PTPN4: variants seen among roughly 807,000 people sequenced by gnomAD.
PTPN4 encodes tyrosine-protein phosphatase non-receptor type 4.
Under a neutral mutation model 135.5 loss-of-function variants are expected in PTPN4, and 49 were observed. The ratio of observed to expected loss-of-function variants is 0.36; its 90% confidence interval spans 0.29 to 0.46. PTPN4 has a LOEUF of 0.46. PTPN4 is among the 20% of genes least tolerant of loss of function. The pLI is 1.00. For synonymous variants in PTPN4, 333 were observed against 369.9 expected (o/e 0.90, Z 1.14); for missense variants, 860 against 1,101.0 (o/e 0.78, Z 3.10).
chr2:119,838,421 TC>T (rs1427562035), intron 2 of PTPN4, among the ~76,000 whole-genome samples: 1 of 152,202 alleles, frequency 6.6e-6, no homozygotes, highest in Non-Finnish European at 1.5e-5. Context: ...ATTTACTGTT[TC>T]CATTTTGGCT....
chr2:119,812,045 A>G (rs1260810105), intron 2 of PTPN4, among the ~76,000 whole-genome samples: 1 of 152,186 alleles, frequency 6.6e-6, no homozygotes, highest in Non-Finnish European at 1.5e-5. Flanking sequence ...AAGAGGAACA[A>G]TATTTATGAA....
chr2:119,771,278 A>T (rs917674590), intron 1 of PTPN4, among the ~76,000 whole-genome samples: 2 of 152,216 alleles, frequency 1.3e-5, no homozygotes, highest in African/African-American at 4.8e-5. Context: ...CATCCAGTGC[A>T]GCAGAAGAGC....
rs192392622 is a variant in PTPN4, at chr2:119,976,808, C to T, written c.2695-176C>T. 3.0e-4 allele frequency: 353 copies of T among 1,171,986 alleles called. 2 individuals carry two copies. The East Asian group carries it at 0.012, about 39-fold the overall frequency. 72.6% of individuals were successfully genotyped at this position (1,171,986 alleles called of 1,614,324 possible). ...TGAGTTTTGCCAACAAAATATATTGCCAAACTGTATTTTTTAACCAGTCTA... is the reference window on the plus strand; with the variant it reads ...TGAGTTTTGCCAACAAAATATATTGTCAAACTGTATTTTTTAACCAGTCTA... On this transcript the variant is annotated intron_variant, in intron 26 of 26. Transcript: ENST00000263708.
intron 1 of PTPN4, among the ~76,000 whole-genome samples, chr2:119,784,045 A>G (rs1426413817): frequency 6.6e-6 from 1 of 152,082 alleles, no homozygotes; most frequent in Non-Finnish European, 1.5e-5. Flanking sequence ...GTTTCTCTAT[A>G]TGGCTTGGGC....
intron 2 of PTPN4, among the ~76,000 whole-genome samples, chr2:119,840,968 G>A (rs1677371991): frequency 6.6e-6 from 1 of 152,082 alleles, no homozygotes; most frequent in Non-Finnish European, 1.5e-5. Context: ...GTAGCTGCTG[G>A]ATATTAGACC....
At chr2:119,910,707 G>A (rs531522933) in intron 10 of PTPN4, among the ~76,000 whole-genome samples, 2 of 152,162 alleles carry the variant, frequency 1.3e-5, no homozygotes, top group South Asian at 4.2e-4. Context: ...TAATCATCTG[G>A]CATTTCCCCT....
chr2:119,770,416 A>G (rs1471229067), intron 1 of PTPN4, among the ~76,000 whole-genome samples: 1 of 152,208 alleles, frequency 6.6e-6, no homozygotes, highest in Admixed American at 6.5e-5. Context: ...TCAAGTTTCA[A>G]AATAATATAA....
At chr2:119,965,401 TC>T (rs921308312) in intron 24 of PTPN4, 95 bp from the exon 25 acceptor site, 5 of 1,192,392 alleles carry the variant, frequency 4.2e-6, no homozygotes, top group Non-Finnish European at 5.8e-6. Flanking sequence ...GTTTTCTATC[TC>T]CCCCTCCCTT....
At chr2:119,787,079 GTGTGTGTGGGTGCACACGTGTGCA>G (rs1482924185) in intron 1 of PTPN4, among the ~76,000 whole-genome samples, 3 of 152,054 alleles carry the variant, frequency 2.0e-5, no homozygotes, top group African/African-American at 7.2e-5. Context: ...GGGTGTGTAG[GTGTGTGTGGGTGCACACGTGTGCA>G]TGTGTGTGCA....
intron 12 of PTPN4, among the ~76,000 whole-genome samples, chr2:119,926,140 A>AT (rs1399996078): frequency 1.3e-5 from 2 of 152,212 alleles, no homozygotes; most frequent in African/African-American, 4.8e-5. Flanking sequence ...ATTTATGTTA[A>AT]TTCACAGTTA....
chr2:119,894,992 G>A (rs1678298392), intron 9 of PTPN4, among the ~76,000 whole-genome samples: 1 of 152,034 alleles, frequency 6.6e-6, no homozygotes, highest in Non-Finnish European at 1.5e-5. Context: ...TATAATCTTT[G>A]CTCACTTCCA....
chr2:119,960,266 A>C (rs955285948), intron 22 of PTPN4, among the ~76,000 whole-genome samples: 1 of 152,204 alleles, frequency 6.6e-6, no homozygotes, highest in Admixed American at 6.5e-5. Context: ...TGATGACTCA[A>C]CTTTCCCAAA....
chr2:119,974,444 G>A (rs12468180), intron 26 of PTPN4, among the ~76,000 whole-genome samples: 40,348 of 151,892 alleles, frequency 0.27, 5,429 homozygotes, highest in South Asian at 0.33. Context: ...TCTGACCTCA[G>A]GTGATCCACC....
rs1257495310 is a variant in PTPN4, at chr2:119,882,531, G to T, written c.495G>T (p.Glu165Asp). The part of the protein sequence containing the change: ...QSELGDYDQS[E>D]NLSGYLSDYS... ...AACTTGGAGACTACGATCAGTCAGA[G>T]AACTTGTCAGGCTACCTCTCAGATT... is the stretch of plus-strand genomic sequence containing the variant. The change falls in exon 8 of 27, where the codon GAG (glutamate) becomes GAT (aspartate). Residue 165 changes from glutamate (E) to aspartate (D), a missense_variant. By Grantham distance (45) the Glu-to-Asp change is conservative. Transcript: ENST00000263708. 6.5e-7 allele frequency: 1 copy of T among 1,548,054 alleles called. No homozygotes were observed. Among genetic ancestry groups the T allele is most frequent in the African/African-American group, 1.4e-5 (1 of 73,158 alleles).
chr2:119,903,768 A>T (rs1678443935), intron 10 of PTPN4, among the ~76,000 whole-genome samples: 1 of 152,106 alleles, frequency 6.6e-6, no homozygotes, highest in South Asian at 2.1e-4. Context: ...CTGGAGACCC[A>T]AGGACTGGCA....
At chr2:119,904,518 G>C (rs537885531) in intron 10 of PTPN4, among the ~76,000 whole-genome samples, 1 of 152,032 alleles carries the variant, frequency 6.6e-6, no homozygotes, top group African/African-American at 2.4e-5. Flanking sequence ...ACTCTTGCAA[G>C]ACGTAGAGAC....
At chr2:119,773,611 C>T (rs1690773530) in intron 1 of PTPN4, among the ~76,000 whole-genome samples, 2 of 151,864 alleles carry the variant, frequency 1.3e-5, no homozygotes, top group African/African-American at 2.4e-5. Context: ...TGGCGCACGC[C>T]TGTAATCCTA....
At chr2:119,844,580 T>C (rs1166224868) in intron 2 of PTPN4, among the ~76,000 whole-genome samples, 1 of 136,046 alleles carries the variant, frequency 7.4e-6, no homozygotes, top group Non-Finnish European at 1.6e-5. Context: ...AGACGGGGTC[T>C]CGGCCGGGCA....
At chr2:119,932,936 T>C (rs1678927425) in intron 14 of PTPN4, among the ~76,000 whole-genome samples, 1 of 152,198 alleles carries the variant, frequency 6.6e-6, no homozygotes, top group African/African-American at 2.4e-5. Flanking sequence ...TTGAAAATGC[T>C]TTGCAAGTGA....
Sources: gnomAD v4.1 joint callset for allele counts (sites outside exome capture counted in the v4.1 genomes callset) on GRCh38, gnomAD v4.1.1 for gene constraint, MANE v1.5 for transcripts, NCBI Gene and HGNC (gene_info 2026-07-23, HGNC 2026-07-21) for gene names.